Variants in TULP4 observed in about 807,000 individuals in gnomAD.
TULP4 encodes TUB like protein 4.
A neutral mutation model predicts 129.0 loss-of-function variants in TULP4; 16 were observed. The ratio of observed to expected loss-of-function variants is 0.12; its 90% CI spans 0.08 to 0.19. The LOEUF is 0.19. Among genes scored for constraint, TULP4 ranks in the 10% least tolerant of loss-of-function variants. TULP4 has a pLI of 1.00. For missense variants in TULP4, 1,842 were observed against 2,059.1 expected, an observed-to-expected ratio of 0.89 and a Z score of 2.04; for synonymous variants, 998 against 854.0, an observed-to-expected ratio of 1.17 and a Z score of -2.94.
At position 158,479,957 on chromosome 6, in the gene TULP4, C is replaced by T. The variant is rs1389751430; in HGVS notation, c.1233C>T (p.Ala411=). ...PPRLCSYLST[A]FIPTIKPPIP... ...GCCTCTGCTCCTACCTCTCCACTGC[C>T]TTCATCCCCACCATCAAGGTAAAGC... Residue 411 remains alanine, a synonymous_variant, in exon 7 of 14, where the codon GCC becomes GCT. Coordinates refer to ENST00000367097, the MANE Select transcript of TULP4 (RefSeq NM_020245.5). 6.2e-7 allele frequency: 1 copy of T among 1,607,372 alleles called. No individual in the cohort carries two copies. Among genetic ancestry groups the T allele is most frequent in the Admixed American group, 1.7e-5 (1 of 59,992 alleles).
At chr6:158,463,749 G>A (rs1779495946) in intron 6 of TULP4, among the ~76,000 whole-genome samples, 1 of 147,232 alleles carries the variant, frequency 6.8e-6, no homozygotes, top group African/African-American at 2.5e-5. Context: ...TCATCAGAGA[G>A]GCAGGGATAC....
intron 1 of TULP4, among the ~76,000 whole-genome samples, chr6:158,372,522 A>G (rs1310248859): frequency 1.3e-5 from 2 of 152,196 alleles, no homozygotes; most frequent in African/African-American, 4.8e-5. Context: ...ATTGAATTAA[A>G]TATCAATTTC....
intron 1 of TULP4, among the ~76,000 whole-genome samples, chr6:158,395,669 G>GGGGGGCGA (rs1554287341): frequency 5.8e-5 from 1 of 17,274 alleles, no homozygotes; most frequent in South Asian, 5.6e-3. Flanking sequence ...AGTGATGGGC[G>GGGGGGCGA]GGGGGGGGGT....
At chr6:158,366,335 G>C (rs1299257501) in intron 1 of TULP4, among the ~76,000 whole-genome samples, 4 of 152,158 alleles carry the variant, frequency 2.6e-5, no homozygotes, top group African/African-American at 9.7e-5. Flanking sequence ...TCCTCCCCAG[G>C]ATCCTAGTTT....
At chr6:158,420,833 T>C (rs1243321858) in intron 2 of TULP4, among the ~76,000 whole-genome samples, 1 of 152,128 alleles carries the variant, frequency 6.6e-6, no homozygotes, top group African/African-American at 2.4e-5. Context: ...GTTTACAGAA[T>C]ATGTTTAATA....
chr6:158,368,052 G>A (rs1445186180), intron 1 of TULP4, among the ~76,000 whole-genome samples: 34 of 110,572 alleles, frequency 3.1e-4, no homozygotes, highest in Non-Finnish European at 5.9e-4. Flanking sequence ...CTCCAGCCTG[G>A]GTGACCCTGT....
chr6:158,302,604 C>CA (rs1184003119), intron 1 of TULP4, among the ~76,000 whole-genome samples: 2 of 152,150 alleles, frequency 1.3e-5, no homozygotes, highest in Non-Finnish European at 2.9e-5. Flanking sequence ...CTGCTCAATC[C>CA]AAACAGGTGT....
chr6:158,256,813 C>G (rs566920013), intron 1 of TULP4, among the ~76,000 whole-genome samples: 5 of 152,114 alleles, frequency 3.3e-5, no homozygotes, highest in South Asian at 2.1e-4. Flanking sequence ...AGACTTCCCC[C>G]CTATGCTTTT....
chr6:158,327,288 G>A (rs1779765972), intron 1 of TULP4, among the ~76,000 whole-genome samples: 1 of 152,076 alleles, frequency 6.6e-6, no homozygotes, highest in Non-Finnish European at 1.5e-5. Context: ...TTTCATAATG[G>A]TCTGCTTTAG....
rs1196876594 is a variant in TULP4, at chr6:158,423,632, T to TG, written c.382-6104_382-6103insG. Among the ~76,000 whole-genome samples, 37 of 82,192 alleles carry TG rather than the reference T, an allele frequency of 4.5e-4. No individual in the cohort carries two copies. In the South Asian group the frequency reaches 6.7e-3, roughly 15 times the overall value. The allele number at this position is 82,192 out of a possible 152,430, so 53.9% of individuals were successfully genotyped here. ...TTGTTTGTTGTTATTTGTTTTTGTTTTTTGTTGTTGTTGTTGTTGTTGTTT... is the reference window on the plus strand; with the variant it reads ...TTGTTTGTTGTTATTTGTTTTTGTTTGTTTGTTGTTGTTGTTGTTGTTGTTT... On this transcript the variant is annotated intron_variant, in intron 2 of 13. Coordinates refer to ENST00000367097, the MANE Select transcript of TULP4 (RefSeq NM_020245.5).
chr6:158,243,282 C>T (rs1043078095), intron 1 of TULP4, among the ~76,000 whole-genome samples: 3 of 151,906 alleles, frequency 2.0e-5, no homozygotes, highest in Non-Finnish European at 4.4e-5. Flanking sequence ...TACATGTCTC[C>T]AAAAGAAAAA....
In TULP4 at chr6:158,503,357, C is replaced by T. The variant is rs570526243; in HGVS notation, c.3694C>T (p.Pro1232Ser). 5.0e-6 allele frequency: 8 copies of T among 1,613,790 alleles called. No individual in the cohort carries two copies. The South Asian group carries it at 8.8e-5, about 18-fold the overall frequency. ...TGCTGTGGTCCTTCAGCCGCTGTAC[C>T]CACCCAGCCTCTCCTATTGCACCCT... ...EPAVVLQPLY[P>S]PSLSYCTLPP... The change falls in exon 13 of 14, where the codon CCA (proline) becomes TCA (serine). Residue 1232 changes from proline (P) to serine (S), a missense_variant. By Grantham distance (74) the Pro-to-Ser change is moderately conservative (BLOSUM62 -1). Coordinates refer to ENST00000367097, the MANE Select transcript of TULP4 (RefSeq NM_020245.5). The surrounding 1 kb of genome is among the most constrained non-coding windows in gnomAD (Gnocchi z 4.3).
chr6:158,418,116 T>TGGGG (rs1393991201), intron 2 of TULP4, among the ~76,000 whole-genome samples: 19 of 104,902 alleles, frequency 1.8e-4, no homozygotes, highest in Non-Finnish European at 4.1e-4. Flanking sequence ...TTTTTTTTTT[T>TGGGG]GGGAGCGGGG....
intron 1 of TULP4, among the ~76,000 whole-genome samples, chr6:158,411,685 A>T (rs185627010): frequency 7.2e-5 from 11 of 152,342 alleles, no homozygotes; most frequent in Non-Finnish European, 1.5e-5. Flanking sequence ...CTCAAGGCAC[A>T]CTAAATCAGG....
At chr6:158,411,996 G>T (rs1010404979) in intron 1 of TULP4, among the ~76,000 whole-genome samples, 5 of 152,158 alleles carry the variant, frequency 3.3e-5, no homozygotes, top group African/African-American at 1.2e-4. Context: ...GTAGACAAGG[G>T]TTCAAATCTT....
intron 6 of TULP4, among the ~76,000 whole-genome samples, chr6:158,462,730 C>T (rs1304756602): frequency 6.9e-6 from 1 of 144,012 alleles, no homozygotes; most frequent in Non-Finnish European, 1.5e-5. Flanking sequence ...AGAGTTTACC[C>T]TATGTCTTTT....
At chr6:158,323,318 TA>T (rs1779678098) in intron 1 of TULP4, among the ~76,000 whole-genome samples, 1 of 152,226 alleles carries the variant, frequency 6.6e-6, no homozygotes, top group Admixed American at 6.5e-5. Context: ...GGTGCTGCCT[TA>T]ATAATTTGAC....
chr6:158,265,020 A>G (rs1214567753), intron 1 of TULP4, among the ~76,000 whole-genome samples: 2 of 152,202 alleles, frequency 1.3e-5, no homozygotes, highest in African/African-American at 2.4e-5. Flanking sequence ...TCAAGTTACT[A>G]CTGTGCATTT....
At chr6:158,484,192 T>C (rs964273319) in intron 8 of TULP4, among the ~76,000 whole-genome samples, 2 of 151,774 alleles carry the variant, frequency 1.3e-5, no homozygotes, top group African/African-American at 4.8e-5. Context: ...CCCATAGTGC[T>C]GGGATCATAG....
Sources: allele counts gnomAD v4.1 joint callset (sites outside exome capture counted in the v4.1 genomes callset), GRCh38; gene constraint gnomAD v4.1.1; non-coding constraint Gnocchi (gnomAD v3.1); transcripts MANE v1.5; gene names NCBI Gene and HGNC (gene_info 2026-07-23, HGNC 2026-07-21).